The following PSPH variants were observed in gnomAD, a reference collection of about 807,000 sequenced individuals.
PSPH encodes L-3-phosphoserine phosphatase.
A neutral mutation model predicts 23.4 loss-of-function variants in PSPH; 16 were observed. That is an observed-to-expected ratio of 0.68 (90% CI 0.46 to 1.04). PSPH has a LOEUF of 1.04. Ranked by LOEUF, PSPH falls within the 50% of genes least tolerant of loss-of-function variation. The pLI, the probability that PSPH is intolerant of heterozygous loss-of-function variation, is 0.00. For missense variants in PSPH, 223 were observed against 273.7 expected (o/e 0.81, Z 1.31); for synonymous variants, 68 against 99.7 (o/e 0.68, Z 1.89).
intron 1 of PSPH, among the ~76,000 whole-genome samples, chr7:56,034,620 A>G (rs1203425444): frequency 6.6e-6 from 1 of 151,966 alleles, no homozygotes; most frequent in Non-Finnish European, 1.5e-5. Context: ...GATTCACGGT[A>G]TTCTCCTGCC....
chr7:56,027,168 G>A (rs960331511), intron 3 of PSPH, among the ~76,000 whole-genome samples: 3 of 148,090 alleles, frequency 2.0e-5, no homozygotes, highest in Non-Finnish European at 3.0e-5. Context: ...TTGCGCTATT[G>A]CACCCCAGCC....
chr7:56,015,914 C>T (rs1788493083), intron 6 of PSPH, among the ~76,000 whole-genome samples: 1 of 152,070 alleles, frequency 6.6e-6, no homozygotes, highest in Non-Finnish European at 1.5e-5. Context: ...TTGCCTCGGC[C>T]TCCCAAAGTT....
At chr7:56,022,788 G>C (rs1343565435) in intron 3 of PSPH, among the ~76,000 whole-genome samples, 1 of 152,242 alleles carries the variant, frequency 6.6e-6, no homozygotes, top group East Asian at 1.9e-4. Flanking sequence ...GCTGGGCGCG[G>C]TGGCTCACGC....
intron 3 of PSPH, among the ~76,000 whole-genome samples, chr7:56,024,672 C>T (rs1789936662): frequency 6.6e-6 from 1 of 151,786 alleles, no homozygotes. Flanking sequence ...TGCTTGAGCA[C>T]AGGAGTTTGA....
intron 7 of PSPH, among the ~76,000 whole-genome samples, chr7:56,012,808 C>G (rs182447876): frequency 6.9e-6 from 1 of 144,716 alleles, no homozygotes; most frequent in Admixed American, 7.0e-5. Context: ...TTGCCCAGGC[C>G]GGTCTCAAAC....
intron 3 of PSPH, among the ~76,000 whole-genome samples, chr7:56,031,239 A>G (rs1790961606): frequency 6.6e-6 from 1 of 151,442 alleles, no homozygotes; most frequent in African/African-American, 2.4e-5. Flanking sequence ...AAACAAACAA[A>G]ACAAACAAAC....
intron 1 of PSPH, among the ~76,000 whole-genome samples, chr7:56,048,084 G>A (rs2117231686): frequency 6.6e-6 from 1 of 152,178 alleles, no homozygotes; most frequent in Admixed American, 6.5e-5. Context: ...TTCAAAACCA[G>A]CCTGGCTAAC....
chr7:56,039,795 TA>T lies in PSPH; in HGVS notation c.-291-5690del, dbSNP rs1266091253. On this transcript the variant is annotated intron_variant, in intron 1 of 7. Coordinates refer to ENST00000275605, the MANE Select transcript of PSPH (RefSeq NM_004577.4). ...GTCTCAAAAAAAAAAAAAAAAAAAT[TA>T]AAAAAAAAAAAACAATATATGGCTG... is the stretch of plus-strand genomic sequence containing the variant. Among the ~76,000 whole-genome samples, 239 of 107,814 alleles carry T rather than the reference TA, an allele frequency of 2.2e-3. 3 individuals carry two copies. The highest frequency in any genetic ancestry group is 0.014 in the South Asian group (46 of 3,382). 70.7% of individuals were successfully genotyped at this position (107,814 alleles called of 152,430 possible).
chr7:56,036,467 T>A (rs1345936377), intron 1 of PSPH, among the ~76,000 whole-genome samples: 1 of 151,958 alleles, frequency 6.6e-6, no homozygotes, highest in Non-Finnish European at 1.5e-5. Flanking sequence ...AAAATATTTA[T>A]ATTTACTAAA....
chr7:56,012,336 TG>T (rs1788006663), intron 7 of PSPH, among the ~76,000 whole-genome samples: 1 of 152,060 alleles, frequency 6.6e-6, no homozygotes, highest in South Asian at 2.1e-4. Flanking sequence ...GGATGACAGG[TG>T]CACACCACAA....
intron 5 of PSPH, 46 bp downstream of exon 5, chr7:56,019,554 C>T (rs529910581): frequency 1.9e-6 from 3 of 1,612,144 alleles, no homozygotes; most frequent in East Asian, 2.2e-5. Context: ...GGATGTGCCC[C>T]CCAACACTGG....
rs561495839 is a variant in PSPH, at chr7:56,031,156, A to G, written c.-20+773T>C. 2.7e-3 allele frequency among the ~76,000 whole-genome samples: 402 copies of G among 151,272 alleles called. 1 individual carries two copies. The highest frequency in any genetic ancestry group is 4.6e-3 in the Admixed American group (70 of 15,164). Reference sequence around the variant, plus strand: ...AACCCGGGAAGCGGAGCTTGCAGTGAGCCGAGATTCCGCCACTGCAGTCCG... The same window carrying G: ...AACCCGGGAAGCGGAGCTTGCAGTGGGCCGAGATTCCGCCACTGCAGTCCG... On this transcript the variant is annotated intron_variant, in intron 3 of 7. Transcript: ENST00000275605.
At chr7:56,013,907 C>G (rs372108209) in intron 7 of PSPH, among the ~76,000 whole-genome samples, 2 of 151,962 alleles carry the variant, frequency 1.3e-5, no homozygotes, top group Non-Finnish European at 2.9e-5. Context: ...CAGGGGAGAT[C>G]GCTTGAGCTC....
At chr7:56,032,822 C>T (rs1031934494) in intron 2 of PSPH, among the ~76,000 whole-genome samples, 3 of 150,396 alleles carry the variant, frequency 2.0e-5, no homozygotes, top group Non-Finnish European at 4.4e-5. Context: ...CATGGTGGTG[C>T]GTATTTGTAG....
intron 1 of PSPH, among the ~76,000 whole-genome samples, chr7:56,049,305 G>A (rs1157939799): frequency 6.6e-6 from 1 of 152,094 alleles, no homozygotes; most frequent in Non-Finnish European, 1.5e-5. Flanking sequence ...CCCCCTGACA[G>A]GTCCCAGTGT....
At chr7:56,021,350 T>C in intron 3 of PSPH, 119 bp from the exon 4 acceptor site, 1 of 692,648 alleles carries the variant, frequency 1.4e-6, no homozygotes. Context: ...ATAAGAGTGT[T>C]CTCACAGATT....
At chr7:56,034,326 T>G (rs2116962888) in intron 1 of PSPH, among the ~76,000 whole-genome samples, 1 of 152,120 alleles carries the variant, frequency 6.6e-6, no homozygotes, top group Non-Finnish European at 1.5e-5. Flanking sequence ...GGAAAAGAGC[T>G]CCCGGACCTT....
rs1789319319 is a variant in PSPH, at chr7:56,021,052, G to A, written c.140+21C>T. On this transcript the variant is annotated intron_variant, in intron 4 of 7. Transcript: ENST00000275605. Reference sequence around the variant, plus strand: ...TAGAAAGTCTTTATCATTTCATAAAGTGAATAAATGCTATCCCTACATTTC... The same window carrying A: ...TAGAAAGTCTTTATCATTTCATAAAATGAATAAATGCTATCCCTACATTTC... The A allele has an allele frequency of 3.1e-6, 5 of 1,604,504 alleles. No individual in the cohort carries two copies. In the South Asian group the frequency reaches 4.4e-5, roughly 14 times the overall value.
intron 1 of PSPH, among the ~76,000 whole-genome samples, chr7:56,041,193 A>ATCTC (rs934000508): frequency 8.2e-5 from 12 of 146,940 alleles, no homozygotes; most frequent in African/African-American, 2.8e-4. Flanking sequence ...GCAAGACTCT[A>ATCTC]TCTCTCTCTC....
Sources: gnomAD v4.1 joint callset for allele counts (sites outside exome capture counted in the v4.1 genomes callset) on GRCh38, gnomAD v4.1.1 for gene constraint, MANE v1.5 for transcripts, NCBI Gene and HGNC (gene_info 2026-07-23, HGNC 2026-07-21) for gene names.